Variants in ADGRL3 observed in about 807,000 individuals in gnomAD.
ADGRL3 encodes the protein calcium-independent alpha-latrotoxin receptor 3.
Under a neutral mutation model 153.5 loss-of-function variants are expected in ADGRL3, and 62 were observed. That is an observed-to-expected ratio of 0.40 (90% CI 0.33 to 0.50). ADGRL3 has a LOEUF of 0.50. Among genes scored for constraint, ADGRL3 ranks in the 20% least tolerant of loss-of-function variants. The pLI, the probability that ADGRL3 is intolerant of heterozygous loss-of-function variation, is 0.47. For missense variants in ADGRL3, 1,641 were observed against 1,859.4 expected (o/e 0.88, Z 2.16); for synonymous variants, 710 against 672.5 (o/e 1.06, Z -0.86).
intron 1 of ADGRL3, among the ~76,000 whole-genome samples, chr4:61,354,599 T>TGCGC (rs1553910573): frequency 9.9e-5 from 15 of 151,500 alleles, no homozygotes; most frequent in African/African-American, 3.4e-4. Flanking sequence ...TGTGTGTGTG[T>TGCGC]GCGCTTTAGT....
chr4:61,947,236 C>T (rs1279217684), intron 16 of ADGRL3, 114 bp downstream of exon 16: 3 of 827,182 alleles, frequency 3.6e-6, no homozygotes, highest in Non-Finnish European at 5.6e-6. Context: ...TATAACAGTT[C>T]ATTATCTGTA....
chr4:62,001,454 G>T (rs903009147), intron 21 of ADGRL3, among the ~76,000 whole-genome samples: 4 of 152,124 alleles, frequency 2.6e-5, no homozygotes, highest in Non-Finnish European at 5.9e-5. Flanking sequence ...AACGGGACAT[G>T]TTGAAGAAAA....
intron 2 of ADGRL3, among the ~76,000 whole-genome samples, chr4:61,490,880 T>G (rs568230740): frequency 6.6e-6 from 1 of 152,250 alleles, no homozygotes; most frequent in Non-Finnish European, 1.5e-5. Flanking sequence ...CATGTAATTT[T>G]TCAAGAAAAC....
At chr4:61,485,620 C>G (rs1440681301) in intron 2 of ADGRL3, among the ~76,000 whole-genome samples, 1 of 152,102 alleles carries the variant, frequency 6.6e-6, no homozygotes, top group East Asian at 1.9e-4. Context: ...CCCTGCATTC[C>G]TTTTTGTCTT....
At chr4:62,068,525 A>G (rs1744186633) in intron 26 of ADGRL3, among the ~76,000 whole-genome samples, 1 of 152,136 alleles carries the variant, frequency 6.6e-6, no homozygotes, top group South Asian at 2.1e-4. Flanking sequence ...CGTGCAACAT[A>G]TCCACTTTAT....
intron 15 of ADGRL3, among the ~76,000 whole-genome samples, chr4:61,945,655 C>G (rs1234723496): frequency 1.4e-5 from 2 of 143,762 alleles, no homozygotes; most frequent in Non-Finnish European, 3.0e-5. Flanking sequence ...GTTTCTTAAG[C>G]CGGTCTGAAA....
chr4:61,783,952 T>A (rs2152396613), intron 8 of ADGRL3, among the ~76,000 whole-genome samples: 1 of 152,204 alleles, frequency 6.6e-6, no homozygotes, highest in East Asian at 1.9e-4. Flanking sequence ...ACAGTTTTGA[T>A]GTAAGAAAAT....
At chr4:61,297,409 G>A (rs977682081) in intron 1 of ADGRL3, among the ~76,000 whole-genome samples, 2 of 152,040 alleles carry the variant, frequency 1.3e-5, no homozygotes, top group Non-Finnish European at 2.9e-5. Flanking sequence ...TCAGTGGAAT[G>A]GGGACGTGTC....
At chr4:61,835,921 C>A (rs1346559923) in intron 9 of ADGRL3, among the ~76,000 whole-genome samples, 2 of 152,120 alleles carry the variant, frequency 1.3e-5, no homozygotes, top group Non-Finnish European at 2.9e-5. Flanking sequence ...CTTGCAAAGG[C>A]TTTTAACTGC....
chr4:61,587,002 A>G (rs2098949102), intron 4 of ADGRL3, among the ~76,000 whole-genome samples: 1 of 152,106 alleles, frequency 6.6e-6, no homozygotes, highest in Non-Finnish European at 1.5e-5. Context: ...ATAAGAAAAA[A>G]AGTGTGATAA....
chr4:61,483,795 T>C (rs1020855906), intron 2 of ADGRL3, among the ~76,000 whole-genome samples: 1 of 151,530 alleles, frequency 6.6e-6, no homozygotes, highest in Admixed American at 6.6e-5. Context: ...TATAAATACA[T>C]GAATGAAGTC....
At chr4:61,819,092 T>C (rs2097721305) in intron 9 of ADGRL3, among the ~76,000 whole-genome samples, 1 of 152,104 alleles carries the variant, frequency 6.6e-6, no homozygotes, top group African/African-American at 2.4e-5. Context: ...AATTTAAAAA[T>C]ATACTGTACA....
chr4:61,410,638 G>A (rs1350246), intron 2 of ADGRL3, among the ~76,000 whole-genome samples: 88,501 of 152,046 alleles, frequency 0.58, 26,898 homozygotes, highest in Admixed American at 0.72. Context: ...ACCCCAACCC[G>A]TGGTGGACAG....
chr4:61,659,548 T>G (rs2094534183), intron 5 of ADGRL3, among the ~76,000 whole-genome samples: 1 of 152,132 alleles, frequency 6.6e-6, no homozygotes, highest in African/African-American at 2.4e-5. Context: ...ATACAAAAGA[T>G]TACAAAGATT....
At chr4:61,928,345 A>T (rs533118376) in intron 13 of ADGRL3, among the ~76,000 whole-genome samples, 5 of 152,240 alleles carry the variant, frequency 3.3e-5, no homozygotes, top group African/African-American at 1.2e-4. Context: ...GTCAAAGAAA[A>T]TGTATTCATC....
chr4:61,610,841 A>G (rs574111444), intron 5 of ADGRL3, among the ~76,000 whole-genome samples: 12 of 152,258 alleles, frequency 7.9e-5, no homozygotes, highest in Admixed American at 7.2e-4. Context: ...AGAGGTCAAA[A>G]AATAAATATT....
chr4:61,310,847 A>G (rs1212683762), intron 1 of ADGRL3, among the ~76,000 whole-genome samples: 2 of 151,518 alleles, frequency 1.3e-5, no homozygotes, highest in East Asian at 3.9e-4. Context: ...TGTGGACCCT[A>G]TAAATTTAAT....
At chr4:61,857,006 T>TTCTCTCTTTCTC (rs1554048323) in intron 9 of ADGRL3, among the ~76,000 whole-genome samples, 2 of 112,628 alleles carry the variant, frequency 1.8e-5, no homozygotes, top group Non-Finnish European at 3.8e-5. Flanking sequence ...CTTTCTTTCT[T>TTCTCTCTTTCTC]TCTTTCTTTC....
intron 6 of ADGRL3, among the ~76,000 whole-genome samples, chr4:61,705,431 A>T (rs2095840698): frequency 6.7e-6 from 1 of 148,788 alleles, no homozygotes; most frequent in Non-Finnish European, 1.5e-5. Flanking sequence ...TGTTATATGT[A>T]TTAGTTATAT....
Sources: allele counts gnomAD v4.1 joint callset (sites outside exome capture counted in the v4.1 genomes callset), GRCh38; gene constraint gnomAD v4.1.1; transcripts MANE v1.5; gene names NCBI Gene and HGNC (gene_info 2026-07-23, HGNC 2026-07-21).